Variants in IGFN1 observed in about 807,000 individuals in gnomAD.
IGFN1 encodes immunoglobulin-like and fibronectin type III domain-containing protein 1.
In IGFN1, 253 loss-of-function variants were observed where a neutral mutation model predicts 289.5. The observed-to-expected ratio is 0.87, with a 90% CI of 0.79 to 0.97. IGFN1 has a LOEUF of 0.97. Among genes scored for constraint, IGFN1 ranks in the 50% least tolerant of loss-of-function variants. The probability of loss-of-function intolerance (pLI) is 0.00; values close to 1 mark genes in which losing one functional copy is unlikely to be tolerated. For synonymous variants in IGFN1, 1,706 were observed against 1,788.5 expected, an observed-to-expected ratio of 0.95 and a Z score of 1.16; for missense variants, 4,470 against 4,686.1, an observed-to-expected ratio of 0.95 and a Z score of 1.35.
chr1:201,196,330 T>G (rs1019869113), intron 4 of IGFN1, among the ~76,000 whole-genome samples: 1 of 152,210 alleles, frequency 6.6e-6, no homozygotes, highest in Non-Finnish European at 1.5e-5. Context: ...ATAATAATAG[T>G]ACCTACTTTA....
chr1:201,199,467 G>T, intron 6 of IGFN1, 89 bp downstream of exon 6: 1 of 1,432,094 alleles, frequency 7.0e-7, no homozygotes, highest in Non-Finnish European at 9.6e-7. Context: ...GAGCTACCAT[G>T]AACACCTTGT....
Position 201,207,677 on chromosome 1 carries a change from G to T in IGFN1, c.2784G>T (p.Gly928=), listed in dbSNP as rs1667492249. 1.6e-5 allele frequency: 25 copies of T among 1,536,992 alleles called. No individual in the cohort carries two copies. Among genetic ancestry groups the T allele is most frequent in the Non-Finnish European group, 2.1e-5 (24 of 1,146,894 alleles). Residue 928 remains glycine (G), a synonymous_variant, in exon 12 of 24, where the codon GGG becomes GGT. Coordinates refer to ENST00000335211, the MANE Select transcript of IGFN1 (RefSeq NM_001164586.2). ...AACCAGATTTCTGGAATGGGTCAGG[G>T]AGCTCCAGAGTAAAAGGACCCAGAG... The part of the protein sequence containing the change: ...GSEPDFWNGS[G]SSRVKGPRGE...
rs1469135625 is a variant in IGFN1 at position 201,227,079 on chromosome 1, A to G, written c.10984A>G (p.Ser3662Gly). ...RSLEGNPAVY[S>G]TDLLGVCSLT... ...CCTGGAAGGAAACCCCGCGGTGTACAGCACTGACCTGCTGGGCGTGTGCTC... is the reference window on the plus strand; with the variant it reads ...CCTGGAAGGAAACCCCGCGGTGTACGGCACTGACCTGCTGGGCGTGTGCTC... Residue 3662 changes from serine (S) to glycine (G), a missense_variant, in exon 23 of 24, where the codon AGC becomes GGC. Coordinates refer to ENST00000335211, the MANE Select transcript of IGFN1 (RefSeq NM_001164586.2). The G allele has an allele frequency of 6.2e-6, 10 of 1,613,578 alleles. No individual in the cohort carries two copies. Among genetic ancestry groups the G allele is most frequent in the African/African-American group, 1.3e-5 (1 of 74,946 alleles).
In IGFN1 at chr1:201,209,101, G is replaced by A; in HGVS notation, c.4208G>A (p.Gly1403Glu). Residue 1403 changes from glycine (G) to glutamate (E), a missense_variant, in exon 12 of 24, where the codon GGG becomes GAG. This residue lies in a region of IGFN1 where 2,011 missense variants were observed against 1,953.4 expected (regional missense o/e 1.03). Coordinates refer to ENST00000335211, the MANE Select transcript of IGFN1 (RefSeq NM_001164586.2). ...RAGLRGPGEM[G>E]SLDESGHRNG... Reference sequence around the variant, plus strand: ...GGTTTAAGGGGTCCTGGGGAGATGGGGTCACTGGATGAGTCAGGTCATAGG... The same window carrying A: ...GGTTTAAGGGGTCCTGGGGAGATGGAGTCACTGGATGAGTCAGGTCATAGG... 1 of 1,535,200 alleles carries A rather than the reference G, an allele frequency of 6.5e-7. No individual in the cohort carries two copies. Among genetic ancestry groups the A allele is most frequent in the Middle Eastern group, 1.7e-4 (1 of 5,978 alleles).
chr1:201,193,331 C>T, intron 2 of IGFN1, 31 bp downstream of exon 2: 1 of 1,519,524 alleles, frequency 6.6e-7, no homozygotes, highest in South Asian at 1.2e-5. Flanking sequence ...CCCTCCCCAG[C>T]CCTCCCTGGC....
chr1:201,213,807 G>C (rs993333432), intron 12 of IGFN1, among the ~76,000 whole-genome samples, 186 bp downstream of exon 12: 3 of 152,128 alleles, frequency 2.0e-5, no homozygotes, highest in African/African-American at 7.2e-5. Flanking sequence ...TACGCAGATG[G>C]GGTCCAGCCT....
At chr1:201,194,752 G>A (rs149831856) in intron 3 of IGFN1, among the ~76,000 whole-genome samples, 250 of 152,332 alleles carry the variant, frequency 1.6e-3, no homozygotes, top group African/African-American at 5.7e-3. Context: ...CAAGAAAGTG[G>A]TGGGAACAAA....
chr1:201,226,508 G>A (rs1439397025), intron 22 of IGFN1, among the ~76,000 whole-genome samples: 2 of 152,124 alleles, frequency 1.3e-5, no homozygotes, highest in Non-Finnish European at 2.9e-5. Flanking sequence ...AGAAAAGCAG[G>A]CTATAAAATC....
In IGFN1 at chr1:201,206,553, A is replaced by C. The variant is rs1291989899; in HGVS notation, c.1660A>C (p.Arg554=). ...GRDSNSDECW[R]KAGGWEAGSS... is the part of the protein sequence containing the mutation. The stretch of plus-strand genomic sequence containing the variant: ...AGACAGCAACAGTGATGAATGCTGG[A>C]GGAAAGCAGGAGGCTGGGAGGCTGG... The change falls in exon 12 of 24, where the codon AGG becomes CGG. Residue 554 remains arginine, a synonymous_variant. Coordinates refer to ENST00000335211, the MANE Select transcript of IGFN1 (RefSeq NM_001164586.2). The C allele has an allele frequency of 6.4e-7, 1 of 1,550,782 alleles. No homozygotes were observed. The highest frequency in any genetic ancestry group is 2.4e-5 in the East Asian group (1 of 40,932).
At position 201,226,056 on chromosome 1, in the gene IGFN1, C is replaced by A. The variant is rs1347779192; in HGVS notation, c.10719C>A (p.Ala3573=). Residue 3573 remains alanine, a synonymous_variant, in exon 22 of 24, where the codon GCC becomes GCA. Transcript: ENST00000335211. ...ACGAATACCACTTCAGGGTGGTGGC[C>A]AAGAATGAGCTGGGGGCCAGCAAAC... The part of the protein sequence containing the change: ...PGHEYHFRVV[A]KNELGASKPS... 1 of 1,601,166 alleles carries A rather than the reference C, an allele frequency of 6.2e-7. No individual in the cohort carries two copies. The highest frequency in any genetic ancestry group is 8.5e-7 in the Non-Finnish European group (1 of 1,171,742).
In IGFN1 at chr1:201,224,759, C is replaced by T; in HGVS notation, c.10371C>T (p.Gly3457=). ...PKRSVTVTKD[G]LTQLLIPVAG... ...GAAGTGTGACTGTCACTAAGGATGG[C>T]CTCACCCAGCTTCTGATCCCTGTGG... The change falls in exon 21 of 24, where the codon GGC becomes GGT. Residue 3457 remains glycine (G), a synonymous_variant. Transcript: ENST00000335211. 3 of 1,614,178 alleles carry T rather than the reference C, an allele frequency of 1.9e-6. No homozygotes were observed. Among genetic ancestry groups the T allele is most frequent in the Non-Finnish European group, 2.5e-6 (3 of 1,180,008 alleles).
rs1654262264 is a variant in IGFN1, at chr1:201,228,491, G to A, written c.*92G>A. 2.2e-6 allele frequency: 3 copies of A among 1,362,036 alleles called. No homozygotes were observed. The highest frequency in any genetic ancestry group is 1.4e-5 in the African/African-American group (1 of 69,670). The allele number at this position is 1,362,036 out of a possible 1,614,324, so 84.4% of individuals were successfully genotyped here. Reference sequence around the variant, plus strand: ...GAAGCCAATCCCAAGGATGGAGGCTGTGCCCAGAGCCCCAGGAAAATGGGA... The same window carrying A: ...GAAGCCAATCCCAAGGATGGAGGCTATGCCCAGAGCCCCAGGAAAATGGGA... On this transcript the variant is annotated 3_prime_UTR_variant, in exon 24 of 24. Transcript: ENST00000335211.
rs768167183 is a variant in IGFN1 at position 201,224,832 on chromosome 1, C to G, written c.10444C>G (p.Gln3482Glu). ...CTACACTGTGGTGCTGAGGACCCTGCAGGGGAAGGAGGTTGCCCACAGCTT... is the reference window on the plus strand; with the variant it reads ...CTACACTGTGGTGCTGAGGACCCTGGAGGGGAAGGAGGTTGCCCACAGCTT... ...GLYTVVLRTL[Q>E]GKEVAHSFRI... The change falls in exon 21 of 24, where the codon CAG becomes GAG. Residue 3482 changes from glutamine (Q) to glutamate (E), a missense_variant. Gln to Glu is a conservative substitution (Grantham distance 29). This residue lies in a region of IGFN1 where 2,218 missense variants were observed against 2,114.1 expected (regional missense o/e 1.05). Transcript: ENST00000335211. 6.2e-7 allele frequency: 1 copy of G among 1,613,990 alleles called. No individual in the cohort carries two copies. Among genetic ancestry groups the G allele is most frequent in the African/African-American group, 1.3e-5 (1 of 75,050 alleles).
intron 1 of IGFN1, among the ~76,000 whole-genome samples, chr1:201,191,604 C>T (rs1040974110): frequency 6.6e-6 from 1 of 152,176 alleles, no homozygotes; most frequent in African/African-American, 2.4e-5. Context: ...GAGACTACAT[C>T]CCTCTAGTCT....
chr1:201,201,685 G>A (rs1667167954), intron 8 of IGFN1, 34 bp from the exon 9 acceptor site: 1 of 1,150,616 alleles, frequency 8.7e-7, no homozygotes, highest in African/African-American at 1.5e-5. Context: ...AGAGCTTCAT[G>A]AGCTCTCCTG....
At chr1:201,194,552 T>C (rs1666807260) in intron 3 of IGFN1, among the ~76,000 whole-genome samples, 1 of 152,144 alleles carries the variant, frequency 6.6e-6, no homozygotes, top group Non-Finnish European at 1.5e-5. Flanking sequence ...AATGCTAAAC[T>C]GGGGAGCAGG....
intron 4 of IGFN1, 137 bp downstream of exon 4, chr1:201,196,115 C>G (rs4915220): frequency 9.4e-6 from 8 of 846,926 alleles, no homozygotes; most frequent in African/African-American, 1.7e-5. Context: ...AACTCCATCT[C>G]GTGACTCAAA....
chr1:201,212,746 G>T lies in IGFN1; in HGVS notation c.7853G>T (p.Arg2618Ile). 1.3e-6 allele frequency: 2 copies of T among 1,551,580 alleles called. No individual in the cohort carries two copies. The highest frequency in any genetic ancestry group is 1.7e-6 in the Non-Finnish European group (2 of 1,146,924). ...RGKSTSGPAD[R>I]QGTSNAWAPD... The stretch of plus-strand genomic sequence containing the variant: ...AAGTCAACATCAGGGCCTGCTGATA[G>T]ACAAGGGACGAGCAATGCTTGGGCT... The change falls in exon 12 of 24, where the codon AGA becomes ATA. Residue 2618 changes from arginine (R) to isoleucine (I), a missense_variant. Transcript: ENST00000335211.
At position 201,207,484 on chromosome 1, in the gene IGFN1, G is replaced by A. The variant is rs1300223950; in HGVS notation, c.2591G>A (p.Gly864Glu). 6.5e-7 allele frequency: 1 copy of A among 1,533,118 alleles called. No individual in the cohort carries two copies. Among genetic ancestry groups the A allele is most frequent in the Non-Finnish European group, 8.7e-7 (1 of 1,144,760 alleles). The allele number at this position is 1,533,118 out of a possible 1,614,324, so 95.0% of individuals were successfully genotyped here. A position where few individuals can be genotyped will look rare whatever the true frequency, so the allele number is the denominator to read the frequency against. Residue 864 changes from glycine to glutamate, a missense_variant, in exon 12 of 24, where the codon GGA becomes GAA. Transcript: ENST00000335211. ...CCTGGAGTGCTGGGGCCCAGTGGAG[G>A]ACAAGAGGGTATGGGTGGTATCTGG... Reference protein sequence around the residue: ...HGPGVLGPSGGQEGMGGIWVA... With the variant: ...HGPGVLGPSGEQEGMGGIWVA...
Sources: allele counts gnomAD v4.1 joint callset (sites outside exome capture counted in the v4.1 genomes callset), GRCh38; gene constraint gnomAD v4.1.1; regional missense constraint gnomAD v4.1.1; transcripts MANE v1.5; gene names NCBI Gene and HGNC (gene_info 2026-07-23, HGNC 2026-07-21).